The following PDGFRA variants were observed in gnomAD, a reference collection of about 807,000 sequenced individuals.
The protein encoded by PDGFRA is platelet-derived growth factor receptor alpha.
In PDGFRA, 25 loss-of-function variants were observed where a neutral mutation model predicts 121.5. That is an observed-to-expected ratio of 0.21 (90% CI 0.15 to 0.29). The LOEUF (loss-of-function observed/expected upper bound fraction) is 0.29, where lower values mean the gene tolerates loss of function less well. Among genes scored for constraint, PDGFRA ranks in the 10% least tolerant of loss-of-function variants. The pLI is 1.00. For missense variants in PDGFRA, 1,008 were observed against 1,345.1 expected (o/e 0.75, Z 3.92); for synonymous variants, 463 against 494.8 (o/e 0.94, Z 0.85).
At chr4:54,272,625 G>T (rs1723469541) in intron 9 of PDGFRA, 105 bp downstream of exon 9, 1 of 1,284,894 alleles carries the variant, frequency 7.8e-7, no homozygotes, top group South Asian at 1.2e-5. Flanking sequence ...ATAGGGTTTT[G>T]GGTGTGATAG....
At chr4:54,289,183 C>T in intron 21 of PDGFRA, 69 bp downstream of exon 21, 1 of 916,698 alleles carries the variant, frequency 1.1e-6, no homozygotes, top group South Asian at 1.3e-5. Context: ...CTGTGCTGTT[C>T]CGCAGTTCTA....
intron 1 of PDGFRA, among the ~76,000 whole-genome samples, chr4:54,248,410 C>T (rs546483128): frequency 6.6e-6 from 1 of 152,062 alleles, no homozygotes; most frequent in African/African-American, 2.4e-5. Flanking sequence ...GAAATAACGC[C>T]GCATATCTAC....
At chr4:54,285,203 C>A (rs568169482) in intron 16 of PDGFRA, among the ~76,000 whole-genome samples, 168 bp from the exon 17 acceptor site, 144 of 152,214 alleles carry the variant, frequency 9.5e-4, no homozygotes, top group African/African-American at 3.3e-3. Flanking sequence ...GCCTATATAT[C>A]TATTTTCTAA....
Position 54,278,362 on chromosome 4 carries a change from G to A in PDGFRA, c.2003G>A (p.Gly668Asp), listed in dbSNP as rs1723871084. The change falls in exon 15 of 23, where the codon GGC becomes GAC. Residue 668 changes from glycine (G) to aspartate (D), a missense_variant and splice_region_variant. Physicochemically the swap from Gly to Asp is moderately conservative, Grantham distance 94 (BLOSUM62 -1). Coordinates refer to ENST00000257290, the MANE Select transcript of PDGFRA (RefSeq NM_006206.6). ...CTCCTAACGGCTTTTGTCCCCATAG[G>A]CCCCATTTACATCATCACAGAGTAT... ...VNLLGACTKSGPIYIITEYCF... is the reference protein window; with the variant it reads ...VNLLGACTKSDPIYIITEYCF... 6.2e-7 allele frequency: 1 copy of A among 1,612,932 alleles called. No homozygotes were observed. The highest frequency in any genetic ancestry group is 8.5e-7 in the Non-Finnish European group (1 of 1,179,348).
chr4:54,288,909 TC>T lies in PDGFRA; in HGVS notation c.2774+15del. On this transcript the variant is annotated intron_variant, in intron 20 of 22. Transcript: ENST00000257290. Reference sequence around the variant, plus strand: ...CGCTACCAGTGAAGTGTGAGCTCCTTCCCCATCCCGGGGGCCTGTGTTCACA... The same window carrying T: ...CGCTACCAGTGAAGTGTGAGCTCCTTCCCATCCCGGGGGCCTGTGTTCACA... 6.3e-7 allele frequency: 1 copy of T among 1,590,550 alleles called. No individual in the cohort carries two copies. The highest frequency in any genetic ancestry group is 1.1e-5 in the South Asian group (1 of 90,634).
intron 3 of PDGFRA, among the ~76,000 whole-genome samples, chr4:54,261,917 ATATATATATATATAT>A: frequency 1.6e-5 from 1 of 62,982 alleles, no homozygotes; most frequent in African/African-American, 5.5e-5. Flanking sequence ...ATATATATAT[ATATATATATATATAT>A]TTTTTTTTTT....
At chr4:54,243,950 G>A (rs1450461426) in intron 1 of PDGFRA, among the ~76,000 whole-genome samples, 1 of 152,134 alleles carries the variant, frequency 6.6e-6, no homozygotes, top group African/African-American at 2.4e-5. Context: ...CGCCCACAGA[G>A]TCTCGCTGAT....
Position 54,261,130 on chromosome 4 carries a change from T to C in PDGFRA, c.85T>C (p.Ser29Pro), listed in dbSNP as rs746846673. Residue 29 changes from serine (S) to proline (P), a missense_variant, in exon 3 of 23, where the codon TCT becomes CCT. Coordinates refer to ENST00000257290, the MANE Select transcript of PDGFRA (RefSeq NM_006206.6). Reference protein sequence around the residue: ...SLILCQLSLPSILPNENEKVV... With the variant: ...SLILCQLSLPPILPNENEKVV... ...AATCCTCTGCCAGCTTTCATTACCCTCTATCCTTCCAAATGAAAATGAAAA... is the reference window on the plus strand; with the variant it reads ...AATCCTCTGCCAGCTTTCATTACCCCCTATCCTTCCAAATGAAAATGAAAA... 3 of 1,614,190 alleles carry C rather than the reference T, an allele frequency of 1.9e-6. No homozygotes were observed. The South Asian group carries it at 3.3e-5, about 18-fold the overall frequency.
At chr4:54,250,585 T>C (rs1722000737) in intron 1 of PDGFRA, among the ~76,000 whole-genome samples, 1 of 152,368 alleles carries the variant, frequency 6.6e-6, no homozygotes, top group Non-Finnish European at 1.5e-5. Flanking sequence ...ATAGTTCTTA[T>C]GTTACATTAT....
At chr4:54,247,949 G>C (rs1721793124) in intron 1 of PDGFRA, among the ~76,000 whole-genome samples, 2 of 152,094 alleles carry the variant, frequency 1.3e-5, no homozygotes, top group Non-Finnish European at 2.9e-5. Flanking sequence ...GCCAAATCGT[G>C]AGTGAACTCC....
At chr4:54,293,726 C>T (rs11931798) in intron 22 of PDGFRA, among the ~76,000 whole-genome samples, 151,899 of 152,326 alleles carry the variant, frequency 1, 75,738 homozygotes, top group Middle Eastern at 1. Context: ...CCACCTCACC[C>T]GGCCTAGATT....
intron 22 of PDGFRA, among the ~76,000 whole-genome samples, chr4:54,292,600 G>A (rs56318036): frequency 0.038 from 5,757 of 151,928 alleles, 345 homozygotes; most frequent in African/African-American, 0.13. Context: ...TGATCTGTGC[G>A]GCAAACCACC....
rs267600185 is a variant in PDGFRA at position 54,263,870 on chromosome 4, G to T, written c.571G>T (p.Ala191Ser). Reference protein sequence around the residue: ...TFTVGPYICEATVKGKKFQTI... With the variant: ...TFTVGPYICESTVKGKKFQTI... ...CACTGTAGGGCCCTATATCTGTGAG[G>T]CCACCGTCAAAGGAAAGAAGTTCCA... The change falls in exon 4 of 23, where the codon GCC becomes TCC. Residue 191 changes from alanine to serine, a missense_variant. Physicochemically the swap from Ala to Ser is moderately conservative, Grantham distance 99. Coordinates refer to ENST00000257290, the MANE Select transcript of PDGFRA (RefSeq NM_006206.6). 5.6e-6 allele frequency: 9 copies of T among 1,614,034 alleles called. No individual in the cohort carries two copies. The highest frequency in any genetic ancestry group is 7.6e-6 in the Non-Finnish European group (9 of 1,179,976).
chr4:54,274,611 G>T lies in PDGFRA; in HGVS notation c.1639G>T (p.Val547Phe), dbSNP rs139219072. The T allele has an allele frequency of 1.2e-6, 2 of 1,611,844 alleles. No homozygotes were observed. The highest frequency in any genetic ancestry group is 2.7e-5 in the African/African-American group (2 of 74,892). The change falls in exon 11 of 23, where the codon GTC (valine) becomes TTC (phenylalanine). Residue 547 changes from valine to phenylalanine, a missense_variant. Val to Phe is a conservative substitution (Grantham distance 50). This residue lies in a region of PDGFRA where 575 missense variants were observed against 701.8 expected (regional missense o/e 0.82). Coordinates refer to ENST00000257290, the MANE Select transcript of PDGFRA (RefSeq NM_006206.6). ...IVIISLIVLV[V>F]IWKQKPRYEI... is the part of the protein sequence containing the mutation. ...GATCATCTCACTTATTGTCCTGGTT[G>T]TCATTTGGAAACAGGTAGATATTTT...
chr4:54,289,891 T>A (rs919473539), intron 21 of PDGFRA, among the ~76,000 whole-genome samples: 2 of 152,246 alleles, frequency 1.3e-5, no homozygotes, highest in African/African-American at 4.8e-5. Context: ...ATTGAAGTTA[T>A]TGTTGAAAAT....
At chr4:54,273,124 C>G (rs1429560144) in intron 9 of PDGFRA, among the ~76,000 whole-genome samples, 3 of 152,150 alleles carry the variant, frequency 2.0e-5, no homozygotes, top group African/African-American at 7.2e-5. Flanking sequence ...TGAGGATCAT[C>G]GCAACCCTAG....
At chr4:54,276,260 C>T (rs916331710) in intron 12 of PDGFRA, among the ~76,000 whole-genome samples, 42 of 152,118 alleles carry the variant, frequency 2.8e-4, no homozygotes, top group Non-Finnish European at 2.1e-4. Context: ...ACCCCATTCC[C>T]CCAGTTTCAG....
intron 22 of PDGFRA, 112 bp downstream of exon 22, chr4:54,290,666 A>C: frequency 8.1e-7 from 1 of 1,237,734 alleles, no homozygotes; most frequent in Non-Finnish European, 1.2e-6. Flanking sequence ...ATATGTACTC[A>C]GGGACAAGTT....
Position 54,289,018 on chromosome 4 carries a change from C to A in PDGFRA, c.2784C>A (p.Ile928=). 6.2e-7 allele frequency: 1 copy of A among 1,607,624 alleles called. No homozygotes were observed. Among genetic ancestry groups the A allele is most frequent in the East Asian group, 2.2e-5 (1 of 44,832 alleles). The part of the protein sequence containing the change: ...PDHATSEVYE[I]MVKCWNSEPE... ...AGTTCTGTCCCCACAGCTACGAGAT[C>A]ATGGTGAAATGCTGGAACAGTGAGC... Residue 928 remains isoleucine, a synonymous_variant, in exon 21 of 23, where the codon ATC becomes ATA. Transcript: ENST00000257290.
Sources: gnomAD v4.1 joint callset for allele counts (sites outside exome capture counted in the v4.1 genomes callset) on GRCh38, gnomAD v4.1.1 for gene constraint, gnomAD v4.1.1 regional missense constraint, MANE v1.5 for transcripts, NCBI Gene and HGNC (gene_info 2026-07-23, HGNC 2026-07-21) for gene names.